ELMO1: variants seen among roughly 807,000 people sequenced by gnomAD.
The protein encoded by ELMO1 is engulfment and cell motility protein 1.
In ELMO1, 26 loss-of-function variants were observed where a neutral mutation model predicts 98.9. The observed-to-expected ratio is 0.26, with a 90% CI of 0.19 to 0.36. The LOEUF (loss-of-function observed/expected upper bound fraction) is 0.36. ELMO1 is among the 10% of genes least tolerant of loss of function. The pLI is 1.00. For missense variants in ELMO1, 627 were observed against 935.2 expected (o/e 0.67, Z 4.30); for synonymous variants, 346 against 346.0 (o/e 1.00, Z 0.00).
intron 1 of ELMO1, among the ~76,000 whole-genome samples, chr7:37,424,871 A>G (rs1242820890): frequency 6.7e-6 from 1 of 150,228 alleles, no homozygotes; most frequent in African/African-American, 2.5e-5. Context: ...ATATATTTTT[A>G]ATAATAATAA....
At chr7:37,137,561 CAG>C (rs1457842175) in intron 13 of ELMO1, among the ~76,000 whole-genome samples, 1 of 150,784 alleles carries the variant, frequency 6.6e-6, no homozygotes, top group East Asian at 2.0e-4. Flanking sequence ...TTTTTGGAGG[CAG>C]AGTCTCACTC....
intron 15 of ELMO1, among the ~76,000 whole-genome samples, chr7:37,068,269 A>C (rs1255614945): frequency 6.6e-6 from 1 of 152,204 alleles, no homozygotes; most frequent in Non-Finnish European, 1.5e-5. Context: ...CTGTCTCAGG[A>C]AAGTACAGTA....
At chr7:37,427,179 G>T (rs1186143670) in intron 1 of ELMO1, among the ~76,000 whole-genome samples, 2 of 152,180 alleles carry the variant, frequency 1.3e-5, no homozygotes, top group Admixed American at 1.3e-4. Context: ...AGAAGGTGCG[G>T]AGATGACTCT....
chr7:37,231,051 C>T (rs764538583), intron 8 of ELMO1, among the ~76,000 whole-genome samples: 2 of 152,004 alleles, frequency 1.3e-5, no homozygotes, highest in Non-Finnish European at 2.9e-5. Flanking sequence ...CTGATAAATA[C>T]AGGCAAAAAG....
Position 37,233,121 on chromosome 7 carries a change from T to C in ELMO1, c.523A>G (p.Thr175Ala), listed in dbSNP as rs772744911. 6.2e-6 allele frequency: 10 copies of C among 1,613,424 alleles called. No individual in the cohort carries two copies. Residue 175 changes from threonine (T) to alanine (A), a missense_variant, in exon 8 of 22, where the codon ACA becomes GCA. Thr to Ala is a moderately conservative substitution (Grantham distance 58, BLOSUM62 0). Transcript: ENST00000310758. Reference protein sequence around the residue: ...LMDHGIVSWDTFSVAFIKKIA... With the variant: ...LMDHGIVSWDAFSVAFIKKIA... The stretch of plus-strand genomic sequence containing the variant: ...TTCTTAATGAACGCCACCGAAAATG[T>C]ATCCCAGGACACTATGCCATGGTCC...
intron 8 of ELMO1, among the ~76,000 whole-genome samples, chr7:37,230,020 C>T (rs1486083691): frequency 6.6e-6 from 1 of 152,114 alleles, no homozygotes; most frequent in Non-Finnish European, 1.5e-5. Context: ...CTTTCTAATT[C>T]CTTTCCACTC....
intron 12 of ELMO1, among the ~76,000 whole-genome samples, chr7:37,212,209 T>C (rs1563080281): frequency 1.3e-5 from 2 of 152,188 alleles, no homozygotes; most frequent in African/African-American, 4.8e-5. Flanking sequence ...GAATGGTGGT[T>C]ACCAGGGACT....
intron 17 of ELMO1, among the ~76,000 whole-genome samples, chr7:36,894,140 GA>G (rs1251624214): frequency 3.9e-5 from 6 of 152,304 alleles, no homozygotes; most frequent in Middle Eastern, 6.8e-3. Flanking sequence ...TAGAACAGGA[GA>G]AAGGAAGAGA....
chr7:37,174,676 C>T (rs972856585), intron 13 of ELMO1, among the ~76,000 whole-genome samples: 6 of 152,176 alleles, frequency 3.9e-5, no homozygotes, highest in African/African-American at 1.4e-4. Flanking sequence ...AAACTCCAGG[C>T]ACCAGTACAT....
At chr7:37,057,871 T>C (rs7785575) in intron 15 of ELMO1, among the ~76,000 whole-genome samples, 20,053 of 152,246 alleles carry the variant, frequency 0.13, 1,845 homozygotes, top group African/African-American at 0.27. Flanking sequence ...TACATTTGTG[T>C]ATTGCCATAA....
Position 37,062,242 on chromosome 7 carries a change from A to G in ELMO1, c.1300+34377T>C, listed in dbSNP as rs137882450. ...GATATCTAACCTGATAGGCCTTTCA[A>G]TGTTAGTGAAGGAATGACTCATGGT... On this transcript the variant is annotated intron_variant, in intron 15 of 21. Transcript: ENST00000310758. 2.8e-3 allele frequency among the ~76,000 whole-genome samples: 419 copies of G among 152,334 alleles called. 2 individuals carry two copies. The highest frequency in any genetic ancestry group is 0.014 in the Middle Eastern group (4 of 294).
At chr7:37,427,605 T>C (rs941596402) in intron 1 of ELMO1, among the ~76,000 whole-genome samples, 3 of 152,242 alleles carry the variant, frequency 2.0e-5, no homozygotes, top group Non-Finnish European at 2.9e-5. Context: ...CTCCAAACAT[T>C]GAGCCTTTTC....
chr7:37,082,829 C>T lies in ELMO1; in HGVS notation c.1300+13790G>A, dbSNP rs145661769. ...CATGGGAGAGGTAAGTCCTTTGGTC[C>T]GTGCTTTGAGGTTGCCTATTCCCCA... On this transcript the variant is annotated intron_variant, in intron 15 of 21. Transcript: ENST00000310758. Among the ~76,000 whole-genome samples, 114 of 152,266 alleles carry T rather than the reference C, an allele frequency of 7.5e-4. 2 individuals carry two copies. In the East Asian group the frequency reaches 0.021, roughly 28 times the overall value.
intron 1 of ELMO1, among the ~76,000 whole-genome samples, chr7:37,389,240 T>C (rs1386011383): frequency 6.6e-6 from 1 of 152,204 alleles, no homozygotes; most frequent in East Asian, 1.9e-4. Flanking sequence ...CGGCAATTCC[T>C]TTCATTTTGA....
At chr7:37,165,979 G>C (rs1406933946) in intron 13 of ELMO1, among the ~76,000 whole-genome samples, 1 of 152,128 alleles carries the variant, frequency 6.6e-6, no homozygotes, top group African/African-American at 2.4e-5. Context: ...GACTCTTTTT[G>C]GTTGGCCAAG....
chr7:37,272,500 T>A (rs1796616417), intron 4 of ELMO1, among the ~76,000 whole-genome samples: 1 of 152,046 alleles, frequency 6.6e-6, no homozygotes, highest in African/African-American at 2.4e-5. Flanking sequence ...AAACCCCGTC[T>A]CTAATAAAAA....
chr7:37,323,656 G>C (rs1007124759), intron 2 of ELMO1, among the ~76,000 whole-genome samples: 1 of 152,164 alleles, frequency 6.6e-6, no homozygotes. Flanking sequence ...TATTGAAAAT[G>C]GCCAAATTCT....
At chr7:37,235,918 G>A (rs1455756464) in intron 7 of ELMO1, among the ~76,000 whole-genome samples, 5 of 152,090 alleles carry the variant, frequency 3.3e-5, no homozygotes, top group African/African-American at 4.8e-5. Context: ...ACTCTGTCTC[G>A]AAGAAAGATA....
At chr7:36,876,916 G>A (rs1046635012) in intron 19 of ELMO1, among the ~76,000 whole-genome samples, 14 of 152,230 alleles carry the variant, frequency 9.2e-5, no homozygotes, top group African/African-American at 3.1e-4. Context: ...AAACAAGATC[G>A]TTTTCTGAAC....
Sources: allele counts gnomAD v4.1 joint callset (sites outside exome capture counted in the v4.1 genomes callset), GRCh38; gene constraint gnomAD v4.1.1; transcripts MANE v1.5; gene names NCBI Gene and HGNC (gene_info 2026-07-23, HGNC 2026-07-21).